SORCS2: variants seen among roughly 807,000 people sequenced by gnomAD.
SORCS2 encodes sortilin related VPS10 domain containing receptor 2, also known as VPS10 domain-containing receptor SorCS2.
SORCS2 carries 100 observed loss-of-function variants against 141.6 expected under a neutral mutation model. The observed-to-expected ratio is 0.71, with a 90% confidence interval of 0.60 to 0.83. The LOEUF (loss-of-function observed/expected upper bound fraction) is 0.83, where lower values mean the gene tolerates loss of function less well. Ranked by LOEUF, SORCS2 falls within the 40% of genes least tolerant of loss-of-function variation. The probability of loss-of-function intolerance (pLI) is 0.00; values close to 1 mark genes in which losing one functional copy is unlikely to be tolerated. For synonymous variants in SORCS2, 789 were observed against 676.9 expected, an observed-to-expected ratio of 1.17 and a Z score of -2.57; for missense variants, 1,646 against 1,560.2, an observed-to-expected ratio of 1.05 and a Z score of -0.93.
intron 2 of SORCS2, among the ~76,000 whole-genome samples, chr4:7,491,028 G>A (rs1731285909): frequency 6.6e-6 from 1 of 152,172 alleles, no homozygotes; most frequent in South Asian, 2.1e-4. Flanking sequence ...CGCCCTTCCT[G>A]TGGCTTCCTG....
At chr4:7,555,758 A>G (rs1242583075) in intron 3 of SORCS2, among the ~76,000 whole-genome samples, 1 of 152,206 alleles carries the variant, frequency 6.6e-6, no homozygotes, top group Non-Finnish European at 1.5e-5. Context: ...TTTCCCTGCA[A>G]AAGTGGCATT....
chr4:7,348,448 G>A (rs903699796), intron 1 of SORCS2, among the ~76,000 whole-genome samples: 1 of 152,190 alleles, frequency 6.6e-6, no homozygotes, highest in African/African-American at 2.4e-5. Flanking sequence ...CCCCACTACT[G>A]TCATCAGCCT....
chr4:7,219,269 C>G (rs1270875350), intron 1 of SORCS2, among the ~76,000 whole-genome samples: 1 of 152,016 alleles, frequency 6.6e-6, no homozygotes, highest in East Asian at 1.9e-4. Context: ...TTTGAGGTAA[C>G]CCATGCGACA....
chr4:7,525,025 A>G (rs770171808), intron 2 of SORCS2, among the ~76,000 whole-genome samples: 1 of 152,222 alleles, frequency 6.6e-6, no homozygotes, highest in Non-Finnish European at 1.5e-5. Context: ...TCTCGGACAC[A>G]GCGCGGGGAG....
In SORCS2 at chr4:7,638,314, G is replaced by A. The variant is rs369622205; in HGVS notation, c.649-14G>A. On this transcript the variant is annotated splice_polypyrimidine_tract_variant and intron_variant, in intron 3 of 26. Coordinates refer to ENST00000507866, the MANE Select transcript of SORCS2 (RefSeq NM_020777.3). ...GCACCTGGCCCAGGCCTCACAACCCGCTTTGTGTTTCAGGTCATCCTTGTC... is the reference window on the plus strand; with the variant it reads ...GCACCTGGCCCAGGCCTCACAACCCACTTTGTGTTTCAGGTCATCCTTGTC... The A allele has an allele frequency of 1.4e-4, 207 of 1,498,342 alleles. No homozygotes were observed. Among genetic ancestry groups the A allele is most frequent in the African/African-American group, 5.2e-4 (36 of 68,978 alleles). The allele number at this position is 1,498,342 out of a possible 1,614,324, so 92.8% of individuals were successfully genotyped here.
rs200175525 is a variant in SORCS2, at chr4:7,703,278, A to T, written c.1669-2A>T. The stretch of plus-strand genomic sequence containing the variant: ...CCTCAGCCACACCACTCTCCTCTGC[A>T]GGTGTTTGAGGAAGAGCATCACATC... On this transcript the variant is annotated splice_acceptor_variant, in intron 12 of 26. Coordinates refer to ENST00000507866, the MANE Select transcript of SORCS2 (RefSeq NM_020777.3). LOFTEE classifies it high-confidence loss of function. 6.2e-7 allele frequency: 1 copy of T among 1,609,806 alleles called. No individual in the cohort carries two copies. The highest frequency in any genetic ancestry group is 8.5e-7 in the Non-Finnish European group (1 of 1,177,746).
intron 3 of SORCS2, among the ~76,000 whole-genome samples, chr4:7,556,165 G>A (rs2109652605): frequency 6.6e-6 from 1 of 152,354 alleles, no homozygotes; most frequent in East Asian, 1.9e-4. Flanking sequence ...CCATCCAGGT[G>A]AGGGGTGATG....
At chr4:7,616,699 T>C (rs1012703372) in intron 3 of SORCS2, among the ~76,000 whole-genome samples, 3 of 152,256 alleles carry the variant, frequency 2.0e-5, no homozygotes, top group South Asian at 2.1e-4. Context: ...TACATTGCAA[T>C]AGAAATCACA....
Position 7,726,873 on chromosome 4 carries a change from C to G in SORCS2, c.2839C>G (p.Leu947Val), listed in dbSNP as rs1383288824. 1 of 1,613,832 alleles carries G rather than the reference C, an allele frequency of 6.2e-7. No homozygotes were observed. The highest frequency in any genetic ancestry group is 8.5e-7 in the Non-Finnish European group (1 of 1,179,814). The stretch of plus-strand genomic sequence containing the variant: ...GCAGGCCGCCTGTGGGAACTCGGTG[C>G]TGCAGGACTCCAGGGTCCTCCGTGT... ...TVQAACGNSVLQDSRVLRVLD... is the reference protein window; with the variant it reads ...TVQAACGNSVVQDSRVLRVLD... The change falls in exon 21 of 27, where the codon CTG becomes GTG. Residue 947 changes from leucine (L) to valine (V), a missense_variant. Leu to Val is a conservative substitution (Grantham distance 32). Transcript: ENST00000507866.
chr4:7,703,152 A>G (rs1469580584), intron 12 of SORCS2, 128 bp from the exon 13 acceptor site: 1 of 681,362 alleles, frequency 1.5e-6, no homozygotes, highest in East Asian at 3.0e-5. Context: ...GAACCCTCAG[A>G]CCGGCCTTGG....
At chr4:7,495,845 A>G (rs1303485778) in intron 2 of SORCS2, among the ~76,000 whole-genome samples, 2 of 152,214 alleles carry the variant, frequency 1.3e-5, no homozygotes, top group Non-Finnish European at 2.9e-5. Flanking sequence ...CAGGGGCCGC[A>G]GCCCCCACCC....
chr4:7,456,973 G>T (rs1479910086), intron 2 of SORCS2, among the ~76,000 whole-genome samples: 2 of 152,152 alleles, frequency 1.3e-5, no homozygotes, highest in Non-Finnish European at 1.5e-5. Flanking sequence ...GTGGTGAGGG[G>T]TGAGTCGACG....
At position 7,493,706 on chromosome 4, in the gene SORCS2, A is replaced by G. The variant is rs550389900; in HGVS notation, c.549-37824A>G. Reference sequence around the variant, plus strand: ...GTGTGTCCCAGAAGGGCTGGGCTCCAGCTGGTCAGAGAGAGAACACGCGGA... The same window carrying G: ...GTGTGTCCCAGAAGGGCTGGGCTCCGGCTGGTCAGAGAGAGAACACGCGGA... On this transcript the variant is annotated intron_variant, in intron 2 of 26. Transcript: ENST00000507866. 3.3e-5 allele frequency among the ~76,000 whole-genome samples: 5 copies of G among 152,338 alleles called. No individual in the cohort carries two copies. The South Asian group carries it at 1.0e-3, about 32-fold the overall frequency.
intron 1 of SORCS2, among the ~76,000 whole-genome samples, chr4:7,390,183 A>T (rs1387108657): frequency 6.6e-6 from 1 of 152,112 alleles, no homozygotes; most frequent in Non-Finnish European, 1.5e-5. Context: ...TTGATTTTGG[A>T]GTTGGCAATC....
chr4:7,410,558 G>T (rs2109151660), intron 2 of SORCS2, among the ~76,000 whole-genome samples: 1 of 152,276 alleles, frequency 6.6e-6, no homozygotes, highest in South Asian at 2.1e-4. Context: ...GTAAAATGCT[G>T]GGCACTTAGT....
intron 2 of SORCS2, among the ~76,000 whole-genome samples, chr4:7,424,885 A>G (rs555957479): frequency 5.0e-4 from 76 of 152,344 alleles, no homozygotes; most frequent in Non-Finnish European, 9.6e-4. Flanking sequence ...TGGACCACAC[A>G]GTGCCCGGCA....
chr4:7,653,798 C>T (rs1316026576), intron 4 of SORCS2, among the ~76,000 whole-genome samples: 1 of 152,244 alleles, frequency 6.6e-6, no homozygotes, highest in Admixed American at 6.5e-5. Flanking sequence ...TGGCTCCTTC[C>T]TCCCAAACGC....
intron 8 of SORCS2, among the ~76,000 whole-genome samples, chr4:7,672,306 C>A (rs1722846957): frequency 6.6e-6 from 1 of 152,086 alleles, no homozygotes; most frequent in Admixed American, 6.6e-5. Flanking sequence ...TTATTACATA[C>A]AAGCAATAAT....
chr4:7,546,548 G>A (rs1223789706), intron 3 of SORCS2, among the ~76,000 whole-genome samples: 1 of 151,988 alleles, frequency 6.6e-6, no homozygotes, highest in South Asian at 2.1e-4. Context: ...GGAGGTGACA[G>A]GTTCATTCTC....
Sources: gnomAD v4.1 joint callset for allele counts (sites outside exome capture counted in the v4.1 genomes callset) on GRCh38, gnomAD v4.1.1 for gene constraint, MANE v1.5 for transcripts, NCBI Gene and HGNC (gene_info 2026-07-23, HGNC 2026-07-21) for gene names.